KLF12: variants seen among roughly 807,000 people sequenced by gnomAD.
KLF12 encodes the protein Krueppel-like factor 12.
In KLF12, 9 loss-of-function variants were observed where a neutral mutation model predicts 37.8. That is an observed-to-expected ratio of 0.24 (90% CI 0.14 to 0.42). The LOEUF is 0.42. Among genes scored for constraint, KLF12 ranks in the 10% least tolerant of loss-of-function variants. The pLI is 1.00. For synonymous variants in KLF12, 208 were observed against 202.1 expected (o/e 1.03, Z -0.25); for missense variants, 411 against 516.0 (o/e 0.80, Z 1.97).
intron 4 of KLF12, among the ~76,000 whole-genome samples, chr13:73,827,454 A>T (rs1445150411): frequency 3.3e-5 from 5 of 152,188 alleles, no homozygotes; most frequent in Non-Finnish European, 7.3e-5. Context: ...AAATTATTCC[A>T]TGTTGTCAAT....
At chr13:74,298,305 C>T in the KLF12 span, among the ~76,000 whole-genome samples, 1 of 152,160 alleles carries the variant, frequency 6.6e-6, no homozygotes, top group African/African-American at 2.4e-5. Flanking sequence ...AAGAAAGGAA[C>T]ATGGGGTTGC....
At chr13:73,827,546 A>T (rs988211714) in intron 4 of KLF12, among the ~76,000 whole-genome samples, 5 of 152,000 alleles carry the variant, frequency 3.3e-5, no homozygotes, top group African/African-American at 1.2e-4. Context: ...TTGGTCCAGA[A>T]TTTTTTATTT....
intron 6 of KLF12, among the ~76,000 whole-genome samples, chr13:73,729,640 T>C (rs1415114283): frequency 1.3e-5 from 2 of 152,244 alleles, no homozygotes; most frequent in Non-Finnish European, 2.9e-5. Context: ...TCCTGTACCA[T>C]ATTTATTGAT....
intron 7 of KLF12, among the ~76,000 whole-genome samples, chr13:73,711,862 C>T (rs945515556): frequency 3.9e-5 from 6 of 152,150 alleles, no homozygotes; most frequent in African/African-American, 1.4e-4. Flanking sequence ...AATTTAAAAA[C>T]CCCTGGAGAG....
chr13:74,249,099 GT>G, the KLF12 span, among the ~76,000 whole-genome samples: 2 of 152,040 alleles, frequency 1.3e-5, no homozygotes, highest in Non-Finnish European at 2.9e-5. Flanking sequence ...TCCAAAACCA[GT>G]CTCTGACAAT....
At position 73,695,171 on chromosome 13, in the gene KLF12, A is replaced by C. The variant is rs917810923; in HGVS notation, c.*319T>G. 7.2e-6 allele frequency: 2 copies of C among 278,864 alleles called. No individual in the cohort carries two copies. The highest frequency in any genetic ancestry group is 4.3e-5 in the African/African-American group (2 of 46,234). The allele number at this position is 278,864 out of a possible 1,614,324, so 17.3% of individuals were successfully genotyped here. On this transcript the variant is annotated 3_prime_UTR_variant, in exon 8 of 8. Transcript: ENST00000377669. ...AGGTGACCTTTAAGGTATCAATAAC[A>C]AAATGTCTGACAGCTCAGAAAATGT...
chr13:73,912,921 TCTCTCTCATATC>T (rs144458170), intron 3 of KLF12, among the ~76,000 whole-genome samples: 7,849 of 152,010 alleles, frequency 0.052, 484 homozygotes, highest in African/African-American at 0.15. Flanking sequence ...TCCCTCTCTC[TCTCTCTCATATC>T]CTTCCCCTAC....
intron 6 of KLF12, among the ~76,000 whole-genome samples, chr13:73,740,119 C>A (rs113931293): frequency 6.6e-6 from 1 of 152,062 alleles, no homozygotes; most frequent in African/African-American, 2.4e-5. Flanking sequence ...AGCAAGAACA[C>A]AAGTTAAAAA....
At chr13:73,894,626 A>C (rs1284370367) in intron 3 of KLF12, among the ~76,000 whole-genome samples, 5 of 152,168 alleles carry the variant, frequency 3.3e-5, no homozygotes, top group African/African-American at 1.2e-4. Flanking sequence ...AATTTCTCTT[A>C]AGCTAATAAA....
chr13:74,021,584 T>C (rs1330584578), intron 1 of KLF12, among the ~76,000 whole-genome samples: 1 of 152,066 alleles, frequency 6.6e-6, no homozygotes, highest in Non-Finnish European at 1.5e-5. Context: ...TGCACACATC[T>C]CTTTACAACC....
At chr13:73,940,473 C>A (rs1890138497) in intron 3 of KLF12, among the ~76,000 whole-genome samples, 1 of 152,140 alleles carries the variant, frequency 6.6e-6, no homozygotes. Flanking sequence ...TGCTACCACA[C>A]CTATCCGGTT....
At chr13:73,704,354 C>T (rs1035996130) in intron 7 of KLF12, among the ~76,000 whole-genome samples, 18 of 152,280 alleles carry the variant, frequency 1.2e-4, no homozygotes, top group Admixed American at 9.8e-4. Context: ...GTTCCTCTTC[C>T]GGTTTTTCTG....
intron 1 of KLF12, among the ~76,000 whole-genome samples, chr13:74,078,544 GTTATA>G (rs1339357533): frequency 6.6e-5 from 10 of 152,104 alleles, no homozygotes; most frequent in African/African-American, 2.2e-4. Flanking sequence ...AGGATTACTT[GTTATA>G]TTAAATTTCA....
At chr13:74,052,518 T>A (rs187119840) in intron 1 of KLF12, among the ~76,000 whole-genome samples, 1 of 152,132 alleles carries the variant, frequency 6.6e-6, no homozygotes, top group Non-Finnish European at 1.5e-5. Flanking sequence ...AAGCTGAGAA[T>A]CAAGTTACTA....
rs1191307495 is a variant in KLF12, at chr13:74,037,222, AC to A, written c.-31-42170del. Among the ~76,000 whole-genome samples, 57 of 150,342 alleles carry A rather than the reference AC, an allele frequency of 3.8e-4. 1 individual carries two copies. The highest frequency in any genetic ancestry group is 3.9e-4 in the East Asian group (2 of 5,126). On this transcript the variant is annotated intron_variant, in intron 1 of 7. Coordinates refer to ENST00000377669, the MANE Select transcript of KLF12 (RefSeq NM_007249.5). ...CGTCTCCAAAAAAAAAAAAAAAAAA[AC>A]TTTTCTTTCTGGAAAATGTGAACTA... is the stretch of plus-strand genomic sequence containing the variant.
chr13:73,917,608 C>G (rs935249520), intron 3 of KLF12, among the ~76,000 whole-genome samples: 1 of 152,186 alleles, frequency 6.6e-6, no homozygotes, highest in African/African-American at 2.4e-5. Context: ...TCTTAAGACT[C>G]AGTTTCTTCA....
chr13:74,276,967 G>T, the KLF12 span, among the ~76,000 whole-genome samples: 3 of 152,120 alleles, frequency 2.0e-5, no homozygotes, highest in African/African-American at 7.2e-5. Flanking sequence ...GATTTAGCAG[G>T]ATCCTCTGGA....
chr13:74,196,932 G>A, the KLF12 span, among the ~76,000 whole-genome samples: 1 of 152,076 alleles, frequency 6.6e-6, no homozygotes, highest in Non-Finnish European at 1.5e-5. Flanking sequence ...TGCATGGAGG[G>A]ACAGTGAACC....
At chr13:73,977,816 C>T (rs548930367) in intron 2 of KLF12, among the ~76,000 whole-genome samples, 26 of 152,300 alleles carry the variant, frequency 1.7e-4, no homozygotes, top group African/African-American at 6.3e-4. Flanking sequence ...AATAGACCCA[C>T]ATAAATATAG....
Sources: gnomAD v4.1 joint callset for allele counts (sites outside exome capture counted in the v4.1 genomes callset) on GRCh38, gnomAD v4.1.1 for gene constraint, MANE v1.5 for transcripts, NCBI Gene and HGNC (gene_info 2026-07-23, HGNC 2026-07-21) for gene names.